Variants in PRKN observed in about 807,000 individuals in gnomAD.
PRKN encodes parkin RBR E3 ubiquitin protein ligase.
A neutral mutation model predicts 59.5 loss-of-function variants in PRKN; 56 were observed. That is an observed-to-expected ratio of 0.94 (90% CI 0.76 to 1.18). PRKN has a LOEUF of 1.18. PRKN is among the 50% of genes most tolerant of loss of function. PRKN has a pLI of 0.00. For missense variants in PRKN, 657 were observed against 596.4 expected (o/e 1.10, Z -1.06); for synonymous variants, 250 against 222.1 (o/e 1.13, Z -1.12).
chr6:162,579,679 TCACA>T (rs1161853693), intron 1 of PRKN, among the ~76,000 whole-genome samples: 6 of 150,552 alleles, frequency 4.0e-5, no homozygotes, highest in African/African-American at 7.4e-5. Flanking sequence ...ACACACAGAT[TCACA>T]CACACATACA....
intron 6 of PRKN, among the ~76,000 whole-genome samples, chr6:161,788,505 G>C (rs1160992656): frequency 6.6e-6 from 1 of 152,146 alleles, no homozygotes; most frequent in African/African-American, 2.4e-5. Context: ...TCTTCCTAGG[G>C]ACACAGGAAG....
chr6:161,696,886 A>AT (rs1407748846), intron 7 of PRKN, among the ~76,000 whole-genome samples: 3 of 152,164 alleles, frequency 2.0e-5, no homozygotes, highest in Admixed American at 6.6e-5. Context: ...CGATTTGCTG[A>AT]TTTTTTGTAG....
chr6:162,591,513 T>C (rs1298279094), intron 1 of PRKN, among the ~76,000 whole-genome samples: 1 of 152,150 alleles, frequency 6.6e-6, no homozygotes, highest in Non-Finnish European at 1.5e-5. Context: ...AATTGTAAGA[T>C]TATTCTTGTG....
At chr6:162,364,980 T>TCTC (rs201608509) in intron 2 of PRKN, among the ~76,000 whole-genome samples, 4 of 122,290 alleles carry the variant, frequency 3.3e-5, no homozygotes, top group African/African-American at 1.0e-4. Context: ...TCTCTCTCTC[T>TCTC]TTTTTTTTTT....
chr6:162,213,799 A>C (rs1339711482), intron 3 of PRKN, among the ~76,000 whole-genome samples: 1 of 134,890 alleles, frequency 7.4e-6, no homozygotes, highest in Non-Finnish European at 1.5e-5. Flanking sequence ...TCCAAAAAAA[A>C]ACCATACACA....
chr6:162,362,747 G>C (rs1286084585), intron 2 of PRKN, among the ~76,000 whole-genome samples: 1 of 151,906 alleles, frequency 6.6e-6, no homozygotes, highest in Non-Finnish European at 1.5e-5. Flanking sequence ...GGGTGGCCAG[G>C]GTACGTGAGG....
At chr6:162,516,763 GA>G (rs10707457) in intron 1 of PRKN, among the ~76,000 whole-genome samples, 126,938 of 136,906 alleles carry the variant, frequency 0.93, 58,822 homozygotes, top group Middle Eastern at 0.96. Flanking sequence ...ACTCTACCAT[GA>G]AAAAAAAAAA....
chr6:161,720,270 CG>C (rs1787165797), intron 7 of PRKN, among the ~76,000 whole-genome samples: 1 of 152,184 alleles, frequency 6.6e-6, no homozygotes, highest in African/African-American at 2.4e-5. Flanking sequence ...CCAGGTATGA[CG>C]TGAAGGTCTT....
At chr6:162,072,760 G>T (rs975961792) in intron 4 of PRKN, among the ~76,000 whole-genome samples, 2 of 152,116 alleles carry the variant, frequency 1.3e-5, no homozygotes, top group Non-Finnish European at 2.9e-5. Context: ...TCAGGATGGG[G>T]GTGTTTCTGA....
At chr6:162,439,340 TTCTC>T (rs35631679) in intron 2 of PRKN, among the ~76,000 whole-genome samples, 52,276 of 134,336 alleles carry the variant, frequency 0.39, 10,841 homozygotes, top group African/African-American at 0.58. Flanking sequence ...TACCCCTCCC[TTCTC>T]TCTCTCTCTC....
intron 9 of PRKN, among the ~76,000 whole-genome samples, chr6:161,507,707 A>AG (rs1301115145): frequency 6.6e-6 from 1 of 151,974 alleles, no homozygotes; most frequent in Admixed American, 6.6e-5. Context: ...TACCATGCAC[A>AG]GTTGATATTT....
intron 4 of PRKN, among the ~76,000 whole-genome samples, chr6:162,199,612 C>T (rs1355111490): frequency 1.3e-5 from 2 of 152,160 alleles, no homozygotes; most frequent in Admixed American, 6.5e-5. Context: ...GAAGCAACCC[C>T]TCTTGGGGAC....
At chr6:161,609,373 T>G (rs1441801210) in intron 7 of PRKN, among the ~76,000 whole-genome samples, 12 of 152,202 alleles carry the variant, frequency 7.9e-5, no homozygotes. Flanking sequence ...TCATTAACAG[T>G]GTTTTTTTAT....
At chr6:162,280,357 G>A (rs1780834041) in intron 2 of PRKN, among the ~76,000 whole-genome samples, 1 of 152,106 alleles carries the variant, frequency 6.6e-6, no homozygotes. Context: ...CAATGTACCA[G>A]AATCACTGGG....
At chr6:162,615,388 C>T (rs1439955731) in intron 1 of PRKN, among the ~76,000 whole-genome samples, 14 of 152,086 alleles carry the variant, frequency 9.2e-5, no homozygotes, top group Admixed American at 8.5e-4. Context: ...CAGCAGTATA[C>T]CTGCTATGTA....
chr6:161,695,620 C>G (rs981238063), intron 7 of PRKN, among the ~76,000 whole-genome samples: 3 of 152,050 alleles, frequency 2.0e-5, no homozygotes, highest in African/African-American at 7.2e-5. Flanking sequence ...TTGAAAGGAA[C>G]CTAAAGACAA....
At chr6:162,070,414 T>C (rs774599845) in intron 4 of PRKN, among the ~76,000 whole-genome samples, 1 of 152,184 alleles carries the variant, frequency 6.6e-6, no homozygotes, top group Admixed American at 6.5e-5. Context: ...CTGGGTAAGT[T>C]TGACTCTGCT....
In PRKN at chr6:161,448,203, C is replaced by T. The variant is rs575421365; in HGVS notation, c.1084-61326G>A. 9.2e-5 allele frequency among the ~76,000 whole-genome samples: 14 copies of T among 152,254 alleles called. No individual in the cohort carries two copies. The East Asian group carries it at 9.7e-4, about 10-fold the overall frequency. On this transcript the variant is annotated intron_variant, in intron 9 of 11. Transcript: ENST00000366898. This position sits in a 1 kb window ranked among gnomAD's most constrained non-coding sequence, Gnocchi z 5.1. ...AAAAGATCTTCACTTTTCCCCACAC[C>T]GTAATATTTCACTGGATTCTTGGAA...
chr6:162,715,750 T>C (rs138751568), intron 1 of PRKN, among the ~76,000 whole-genome samples: 2 of 152,160 alleles, frequency 1.3e-5, no homozygotes, highest in African/African-American at 4.8e-5. Flanking sequence ...CACCCTAATC[T>C]ATCATCACCT....
Sources: allele counts gnomAD v4.1 joint callset (sites outside exome capture counted in the v4.1 genomes callset), GRCh38; gene constraint gnomAD v4.1.1; non-coding constraint Gnocchi (gnomAD v3.1); transcripts MANE v1.5; gene names NCBI Gene and HGNC (gene_info 2026-07-23, HGNC 2026-07-21).